CNKSR2: variants seen among roughly 807,000 people sequenced by gnomAD.
The protein encoded by CNKSR2 is connector enhancer of kinase suppressor of Ras 2, also known as CNK homolog protein 2.
Under a neutral mutation model 84.4 loss-of-function variants are expected in CNKSR2, and 14 were observed. That is an observed-to-expected ratio of 0.17 (90% CI 0.11 to 0.26). The LOEUF (loss-of-function observed/expected upper bound fraction) is 0.26. CNKSR2 is among the 10% of genes least tolerant of loss of function. The probability of loss-of-function intolerance (pLI) is 1.00; values close to 1 mark genes in which losing one functional copy is unlikely to be tolerated. For synonymous variants in CNKSR2, 275 were observed against 277.9 expected, an observed-to-expected ratio of 0.99 and a Z score of 0.10; for missense variants, 485 against 771.2, an observed-to-expected ratio of 0.63 and a Z score of 4.40.
At chrX:21,473,582 T>C (rs1235420956) in intron 5 of CNKSR2, among the ~76,000 whole-genome samples, 1 of 109,267 alleles carries the variant, frequency 9.2e-6, no homozygotes, top group Non-Finnish European at 1.9e-5. Context: ...TTGTTCTTAT[T>C]ATGTAAAATG....
chrX:21,634,124 A>G (rs2092659606), intron 20 of CNKSR2, among the ~76,000 whole-genome samples: 1 of 112,288 alleles, frequency 8.9e-6, no homozygotes, highest in African/African-American at 3.2e-5. Context: ...AAAATATAAT[A>G]ATTTGAATGT....
At chrX:21,650,845 A>T (rs2092719241) in intron 21 of CNKSR2, among the ~76,000 whole-genome samples, 2 of 112,105 alleles carry the variant, frequency 1.8e-5, no homozygotes, top group South Asian at 7.5e-4. Context: ...AATTTAATGG[A>T]CTTTTGGGAA....
At chrX:21,552,420 A>T (rs767529525) in intron 11 of CNKSR2, among the ~76,000 whole-genome samples, 16 of 112,051 alleles carry the variant, frequency 1.4e-4, no homozygotes, top group Admixed American at 8.6e-4. Context: ...TTTTGGTCAC[A>T]TAATACTTAC....
chrX:21,557,800 A>G (rs756132941), intron 11 of CNKSR2, among the ~76,000 whole-genome samples: 1 of 111,445 alleles, frequency 9.0e-6, no homozygotes, highest in Non-Finnish European at 1.9e-5. Context: ...AACCAATATA[A>G]GTACTACTAT....
chrX:21,510,719 A>G (rs1304475785), intron 8 of CNKSR2, among the ~76,000 whole-genome samples: 3 of 112,066 alleles, frequency 2.7e-5, no homozygotes, highest in Non-Finnish European at 5.6e-5. Context: ...ACAAGAAAGC[A>G]GAACCTCTGG....
At chrX:21,638,849 C>T (rs2147333573) in intron 20 of CNKSR2, among the ~76,000 whole-genome samples, 1 of 111,291 alleles carries the variant, frequency 9.0e-6, no homozygotes, top group East Asian at 2.8e-4. Flanking sequence ...TTTCTGCCTT[C>T]TATTGTTTTT....
intron 6 of CNKSR2, chrX:21,494,311 A>G (rs761003301): frequency 2.7e-4 from 30 of 112,148 alleles, no homozygotes; most frequent in Middle Eastern, 4.7e-3. Flanking sequence ...TTCGTAGTCA[A>G]TAGTGAAAGA....
intron 1 of CNKSR2, among the ~76,000 whole-genome samples, chrX:21,399,560 T>C (rs1467521011): frequency 1.8e-5 from 2 of 111,958 alleles, no homozygotes; most frequent in Non-Finnish European, 3.8e-5. Flanking sequence ...CGTACTTAGA[T>C]GTTTTAAAAA....
intron 10 of CNKSR2, among the ~76,000 whole-genome samples, chrX:21,531,470 A>T (rs1428702609): frequency 9.0e-6 from 1 of 111,300 alleles, no homozygotes; most frequent in Admixed American, 9.5e-5. Context: ...TTATGTGCAA[A>T]GGTAAACTGG....
intron 1 of CNKSR2, among the ~76,000 whole-genome samples, chrX:21,404,858 G>T (rs893339962): frequency 8.4e-5 from 9 of 107,577 alleles, no homozygotes; most frequent in African/African-American, 3.0e-4. Context: ...TTCCCAGATG[G>T]AGAGCCAGGC....
chrX:21,586,155 G>A (rs2092386665), intron 13 of CNKSR2, among the ~76,000 whole-genome samples: 1 of 111,433 alleles, frequency 9.0e-6, no homozygotes, highest in African/African-American at 3.3e-5. Flanking sequence ...ATGCCTGAGA[G>A]TCTTCTCTAA....
In CNKSR2 at chrX:21,638,879, A is replaced by G. The variant is rs1291100501; in HGVS notation, c.2693-9952A>G. ...GTTTTTTCCATAGAGATGGGGTCTC[A>G]CTATGTTGCCCAGGCTCGTCTCAAA... On this transcript the variant is annotated intron_variant, in intron 20 of 21. Transcript: ENST00000379510. Among the ~76,000 whole-genome samples, 5 of 111,592 alleles carry G rather than the reference A, an allele frequency of 4.5e-5. No individual in the cohort carries two copies. In the East Asian group the frequency reaches 1.1e-3, roughly 25 times the overall value.
In CNKSR2 at chrX:21,557,222, A is replaced by G. The variant is rs188701461; in HGVS notation, c.1304-4249A>G. On this transcript the variant is annotated intron_variant, in intron 11 of 21. Transcript: ENST00000379510. Reference sequence around the variant, plus strand: ...CAATGTTGTACACTAGCATTAAAGCATAGCAATTTTGTATTAAAATACAGT... The same window carrying G: ...CAATGTTGTACACTAGCATTAAAGCGTAGCAATTTTGTATTAAAATACAGT... Among the ~76,000 whole-genome samples the G allele has an allele frequency of 4.6e-4, 51 of 111,175 alleles. No homozygotes were observed. The East Asian group carries it at 0.012, about 26-fold the overall frequency.
At chrX:21,376,052 C>A (rs1325897185) in intron 1 of CNKSR2, among the ~76,000 whole-genome samples, 1 of 112,219 alleles carries the variant, frequency 8.9e-6, no homozygotes, top group Admixed American at 9.4e-5. Context: ...CGAGGTCATA[C>A]CTGAGCAAAC....
chrX:21,395,816 T>G (rs934433852), intron 1 of CNKSR2, among the ~76,000 whole-genome samples: 6 of 111,686 alleles, frequency 5.4e-5, no homozygotes, highest in Non-Finnish European at 1.1e-4. Flanking sequence ...ATTTTTCAGT[T>G]TAAGTTTTTT....
chrX:21,499,224 C>T (rs2091534336), intron 7 of CNKSR2, among the ~76,000 whole-genome samples: 1 of 111,810 alleles, frequency 8.9e-6, no homozygotes, highest in Non-Finnish European at 1.9e-5. Flanking sequence ...TTCATGTATT[C>T]ATTTGTTCAT....
At chrX:21,561,664 A>G in intron 12 of CNKSR2, 104 bp downstream of exon 12, 1 of 577,977 alleles carries the variant, frequency 1.7e-6, no homozygotes, top group Non-Finnish European at 2.8e-6. Context: ...AACTTATTCT[A>G]TCATTGACTT....
intron 7 of CNKSR2, among the ~76,000 whole-genome samples, chrX:21,498,477 C>G (rs1569206918): frequency 1.2e-5 from 1 of 81,206 alleles, no homozygotes; most frequent in Non-Finnish European, 2.0e-5. Context: ...GTCCACAGGC[C>G]TATGTCTTTA....
intron 10 of CNKSR2, among the ~76,000 whole-genome samples, chrX:21,531,451 A>G (rs772326867): frequency 9.0e-6 from 1 of 111,406 alleles, no homozygotes; most frequent in South Asian, 3.7e-4. Context: ...CTTAAACACT[A>G]AAAGCAATTT....
Sources: allele counts gnomAD v4.1 joint callset (sites outside exome capture counted in the v4.1 genomes callset), GRCh38; gene constraint gnomAD v4.1.1; transcripts MANE v1.5; gene names NCBI Gene and HGNC (gene_info 2026-07-23, HGNC 2026-07-21).